The following PRKN variants were observed in gnomAD, a reference collection of about 807,000 sequenced individuals.
PRKN encodes the protein parkin RBR E3 ubiquitin protein ligase, also known as E3 ubiquitin-protein ligase parkin.
A neutral mutation model predicts 59.5 loss-of-function variants in PRKN; 56 were observed. The observed-to-expected ratio is 0.94, with a 90% CI of 0.76 to 1.18. PRKN has a LOEUF of 1.18. Among genes scored for constraint, PRKN ranks in the 50% most tolerant of loss-of-function variants. PRKN has a pLI of 0.00. For missense variants in PRKN, 657 were observed against 596.4 expected (o/e 1.10, Z -1.06); for synonymous variants, 250 against 222.1 (o/e 1.13, Z -1.12).
In PRKN at chr6:161,440,048, T is replaced by C. The variant is rs1789131119; in HGVS notation, c.1084-53171A>G. ...TCACTGCAAGCTCCACCTCCCGGGT[T>C]CATGCTACTCTCCTGCCTCAGCCTC... is the stretch of plus-strand genomic sequence containing the variant. On this transcript the variant is annotated intron_variant, in intron 9 of 11. Coordinates refer to ENST00000366898, the MANE Select transcript of PRKN (RefSeq NM_004562.3). The surrounding 1 kb of genome is among the most constrained non-coding windows in gnomAD (Gnocchi z 4.1). 6.6e-6 allele frequency among the ~76,000 whole-genome samples: 1 copy of C among 151,954 alleles called. No homozygotes were observed. Among genetic ancestry groups the C allele is most frequent in the Non-Finnish European group, 1.5e-5 (1 of 67,996 alleles).
rs1048600259 is a variant in PRKN at position 161,484,097 on chromosome 6, G to T, written c.1083+64757C>A. Among the ~76,000 whole-genome samples, 8 of 152,092 alleles carry T rather than the reference G, an allele frequency of 5.3e-5. No homozygotes were observed. The highest frequency in any genetic ancestry group is 1.9e-4 in the African/African-American group (8 of 41,412). On this transcript the variant is annotated intron_variant, in intron 9 of 11. Coordinates refer to ENST00000366898, the MANE Select transcript of PRKN (RefSeq NM_004562.3). This position sits in a 1 kb window ranked among gnomAD's most constrained non-coding sequence, Gnocchi z 4.9. ...GGGCTTAATACCTAGGTGATGGGTT[G>T]ATCTGTGCAGCAAAACACCATGGCA...
intron 2 of PRKN, among the ~76,000 whole-genome samples, chr6:162,280,334 A>G (rs565981128): frequency 1.3e-5 from 2 of 152,286 alleles, no homozygotes; most frequent in Admixed American, 6.5e-5. Context: ...TTTGAAACCA[A>G]TGAGAACAGA....
At chr6:162,033,340 C>G (rs1783711816) in intron 5 of PRKN, among the ~76,000 whole-genome samples, 1 of 152,160 alleles carries the variant, frequency 6.6e-6, no homozygotes, top group South Asian at 2.1e-4. Context: ...TACTTTTATA[C>G]TTTTATTTGC....
At chr6:162,510,423 G>A (rs776528596) in intron 1 of PRKN, among the ~76,000 whole-genome samples, 45 of 152,088 alleles carry the variant, frequency 3.0e-4, no homozygotes, top group Non-Finnish European at 5.0e-4. Context: ...GGTAAGTCTG[G>A]CCACGATCAA....
chr6:162,580,013 T>C (rs548049564), intron 1 of PRKN, among the ~76,000 whole-genome samples: 1 of 152,334 alleles, frequency 6.6e-6, no homozygotes, highest in South Asian at 2.1e-4. Context: ...TAGATTATTT[T>C]CTCAGTATAA....
chr6:162,438,874 T>C (rs1048380728), intron 2 of PRKN, among the ~76,000 whole-genome samples: 23 of 152,242 alleles, frequency 1.5e-4, no homozygotes, highest in African/African-American at 5.5e-4. Flanking sequence ...TCTTTGAGCA[T>C]TTGCCCACCA....
chr6:161,432,532 ATTTTTTTT>A (rs767620173), intron 9 of PRKN, among the ~76,000 whole-genome samples: 1 of 125,494 alleles, frequency 8.0e-6, no homozygotes, highest in Admixed American at 8.3e-5. Flanking sequence ...TGCCCAGCTA[ATTTTTTTT>A]TTTTTTTTTT....
intron 1 of PRKN, among the ~76,000 whole-genome samples, chr6:162,619,009 A>C (rs2803045): frequency 0.61 from 93,176 of 152,074 alleles, 29,280 homozygotes; most frequent in African/African-American, 0.75. Context: ...ACCAATAAGG[A>C]TTGATTTACT....
At position 162,179,523 on chromosome 6, in the gene PRKN, C is replaced by T. The variant is rs61053501; in HGVS notation, c.534+21608G>A. On this transcript the variant is annotated intron_variant, in intron 4 of 11. Transcript: ENST00000366898. ...TTCCCCTTCAGCCTGCTGCAGAACC[C>T]ATCCCTCTGGTCAGTTGAAAAATGT... 5.9e-3 allele frequency among the ~76,000 whole-genome samples: 905 copies of T among 152,276 alleles called. 12 individuals carry two copies. The highest frequency in any genetic ancestry group is 0.021 in the African/African-American group (870 of 41,564).
chr6:162,587,362 C>T (rs557660583), intron 1 of PRKN, among the ~76,000 whole-genome samples: 137 of 152,216 alleles, frequency 9.0e-4, no homozygotes, highest in African/African-American at 3.2e-3. Context: ...TCTCGAACTC[C>T]CAACCCCAGG....
intron 5 of PRKN, among the ~76,000 whole-genome samples, chr6:162,034,172 T>C (rs1228432085): frequency 1.7e-5 from 2 of 118,966 alleles, no homozygotes; most frequent in Admixed American, 1.7e-4. Context: ...CACATACATA[T>C]ATATATATAT....
chr6:162,619,112 G>A (rs1782549743), intron 1 of PRKN, among the ~76,000 whole-genome samples: 1 of 150,582 alleles, frequency 6.6e-6, no homozygotes, highest in Admixed American at 6.6e-5. Flanking sequence ...CAAGCAAAAT[G>A]AACCTTAAAC....
intron 4 of PRKN, among the ~76,000 whole-genome samples, chr6:162,058,977 A>G (rs1465637936): frequency 6.8e-6 from 1 of 147,104 alleles, no homozygotes; most frequent in African/African-American, 2.5e-5. Context: ...AAAAAAAAAA[A>G]GAAGTAGCAC....
chr6:162,320,697 C>T (rs114601023), intron 2 of PRKN, among the ~76,000 whole-genome samples: 1 of 151,500 alleles, frequency 6.6e-6, no homozygotes, highest in Non-Finnish European at 1.5e-5. Context: ...AATCATATAC[C>T]TCATATGGTC....
In PRKN at chr6:162,564,075, G is replaced by A. The variant is rs561295836; in HGVS notation, c.8-120602C>T. On this transcript the variant is annotated intron_variant, in intron 1 of 11. Coordinates refer to ENST00000366898, the MANE Select transcript of PRKN (RefSeq NM_004562.3). ...ATCTAAGAGTAATTGGGCTGGGTGC[G>A]GTGGCTCATGCCTGTAATCCCAGCA... Among the ~76,000 whole-genome samples the A allele has an allele frequency of 1.5e-3, 234 of 152,100 alleles. 1 individual carries two copies. Among genetic ancestry groups the A allele is most frequent in the Non-Finnish European group, 2.7e-3 (184 of 67,968 alleles).
At chr6:162,690,345 A>G (rs143986612) in intron 1 of PRKN, among the ~76,000 whole-genome samples, 8 of 152,304 alleles carry the variant, frequency 5.3e-5, no homozygotes, top group Non-Finnish European at 8.8e-5. Flanking sequence ...AAACACAGCT[A>G]ATGAGGCTGC....
chr6:162,324,441 C>T (rs1783175088), intron 2 of PRKN, among the ~76,000 whole-genome samples: 1 of 152,052 alleles, frequency 6.6e-6, no homozygotes, highest in South Asian at 2.1e-4. Flanking sequence ...GTTGATTATG[C>T]CTCAATAAAT....
At chr6:161,942,505 T>C (rs1779603287) in intron 6 of PRKN, among the ~76,000 whole-genome samples, 1 of 152,130 alleles carries the variant, frequency 6.6e-6, no homozygotes, top group Admixed American at 6.5e-5. Flanking sequence ...TATTCCAGCT[T>C]GGGCGACAGA....
At chr6:161,850,179 T>C (rs1297161226) in intron 6 of PRKN, among the ~76,000 whole-genome samples, 1 of 152,080 alleles carries the variant, frequency 6.6e-6, no homozygotes, top group Non-Finnish European at 1.5e-5. Context: ...ATGGCTATTA[T>C]CCATATTTTA....
Sources: allele counts gnomAD v4.1 joint callset (sites outside exome capture counted in the v4.1 genomes callset), GRCh38; gene constraint gnomAD v4.1.1; non-coding constraint Gnocchi (gnomAD v3.1); transcripts MANE v1.5; gene names NCBI Gene and HGNC (gene_info 2026-07-23, HGNC 2026-07-21).